NYAP2: variants seen among roughly 807,000 people sequenced by gnomAD.
The protein encoded by NYAP2 is neuronal tyrosine-phosphorylated phosphoinositide-3-kinase adapter 2.
In NYAP2, 23 loss-of-function variants were observed where a neutral mutation model predicts 50.4. That is an observed-to-expected ratio of 0.46 (90% CI 0.33 to 0.65). The LOEUF is 0.65. Among genes scored for constraint, NYAP2 ranks in the 30% least tolerant of loss-of-function variants. NYAP2 has a pLI of 0.02. For missense variants in NYAP2, 885 were observed against 861.0 expected, an observed-to-expected ratio of 1.03 and a Z score of -0.35; for synonymous variants, 394 against 365.2, an observed-to-expected ratio of 1.08 and a Z score of -0.90.
At chr2:225,576,327 G>A (rs1013165926) in intron 4 of NYAP2, among the ~76,000 whole-genome samples, 11 of 152,082 alleles carry the variant, frequency 7.2e-5, no homozygotes, top group Non-Finnish European at 1.3e-4. Context: ...CTTTGAACCC[G>A]ATCCTTTTTG....
chr2:225,658,688 A>G (rs2106276652), downstream of NYAP2, among the ~76,000 whole-genome samples: 1 of 152,310 alleles, frequency 6.6e-6, no homozygotes, highest in East Asian at 1.9e-4. Context: ...TTAGTTCTTT[A>G]TGGCACTCTC....
At chr2:225,664,733 G>A in the NYAP2 span, among the ~76,000 whole-genome samples, 3 of 151,910 alleles carry the variant, frequency 2.0e-5, no homozygotes, top group South Asian at 4.2e-4. Flanking sequence ...AAAATTAGCC[G>A]GGCGTGGTGG....
At chr2:225,670,476 C>T in the NYAP2 span, among the ~76,000 whole-genome samples, 1 of 151,674 alleles carries the variant, frequency 6.6e-6, no homozygotes, top group African/African-American at 2.4e-5. Flanking sequence ...TGTAATTCTG[C>T]AGGAAATTCT....
chr2:225,590,358 T>C (rs796451261), intron 5 of NYAP2, among the ~76,000 whole-genome samples: 11 of 152,354 alleles, frequency 7.2e-5, no homozygotes, highest in African/African-American at 2.4e-4. Flanking sequence ...GTTTCTCGTG[T>C]AGTTCAAAGC....
chr2:225,520,544 G>C (rs538352053), intron 4 of NYAP2, among the ~76,000 whole-genome samples: 1 of 152,114 alleles, frequency 6.6e-6, no homozygotes, highest in Non-Finnish European at 1.5e-5. Flanking sequence ...TTTCCCCATT[G>C]CTTGTTTTTC....
chr2:225,594,712 A>T (rs1692567091), intron 5 of NYAP2, among the ~76,000 whole-genome samples: 2 of 151,938 alleles, frequency 1.3e-5, no homozygotes, highest in South Asian at 2.1e-4. Context: ...TGATAAAATA[A>T]TTTTTTTTGG....
chr2:225,678,633 G>C, the NYAP2 span, among the ~76,000 whole-genome samples: 1 of 152,080 alleles, frequency 6.6e-6, no homozygotes, highest in Non-Finnish European at 1.5e-5. Flanking sequence ...TTATTAAAGA[G>C]AGTAAAAATA....
intron 4 of NYAP2, among the ~76,000 whole-genome samples, chr2:225,528,176 G>A (rs1034355624): frequency 6.6e-6 from 1 of 152,170 alleles, no homozygotes; most frequent in Non-Finnish European, 1.5e-5. Flanking sequence ...GTGATACTAG[G>A]AACAGGCATA....
chr2:225,404,628 T>G (rs1694910342), intron 2 of NYAP2, among the ~76,000 whole-genome samples: 1 of 152,002 alleles, frequency 6.6e-6, no homozygotes, highest in South Asian at 2.1e-4. Context: ...TTTCAAATTT[T>G]GGAAAGTGTC....
chr2:225,448,137 A>C (rs902994425), intron 3 of NYAP2, among the ~76,000 whole-genome samples: 3 of 152,246 alleles, frequency 2.0e-5, no homozygotes, highest in Admixed American at 2.0e-4. Context: ...GCTCTCTGAA[A>C]GCAGAGCAAA....
intron 4 of NYAP2, among the ~76,000 whole-genome samples, chr2:225,573,542 G>A (rs760222918): frequency 6.6e-6 from 1 of 151,908 alleles, no homozygotes; most frequent in African/African-American, 2.4e-5. Context: ...GAGCCACCAC[G>A]CCTGGCCCCA....
intron 4 of NYAP2, among the ~76,000 whole-genome samples, chr2:225,559,390 G>A (rs1009965778): frequency 1.3e-5 from 2 of 151,860 alleles, no homozygotes; most frequent in Admixed American, 6.6e-5. Context: ...ATTAGGAGAA[G>A]CTTCCCATTG....
At chr2:225,637,499 C>G (rs879487698) in intron 6 of NYAP2, among the ~76,000 whole-genome samples, 1 of 152,178 alleles carries the variant, frequency 6.6e-6, no homozygotes, top group Non-Finnish European at 1.5e-5. Context: ...CTTTCCAGTT[C>G]TAATTGGGTG....
rs533757894 is a variant in NYAP2, at chr2:225,611,461, C to T, written c.1619-15456C>T. ...TCCCTTTCTCTCTTCACTCCAGCTGCGCAGATCTTCCCCTCTTCCAACTTG... is the reference window on the plus strand; with the variant it reads ...TCCCTTTCTCTCTTCACTCCAGCTGTGCAGATCTTCCCCTCTTCCAACTTG... On this transcript the variant is annotated intron_variant, in intron 5 of 6. Coordinates refer to ENST00000636099, the Ensembl canonical transcript of NYAP2. 2.2e-4 allele frequency among the ~76,000 whole-genome samples: 33 copies of T among 152,174 alleles called. 1 individual carries two copies. In the South Asian group the frequency reaches 5.4e-3, roughly 25 times the overall value.
intron 3 of NYAP2, among the ~76,000 whole-genome samples, chr2:225,490,317 C>G (rs939226064): frequency 6.6e-6 from 1 of 152,112 alleles, no homozygotes; most frequent in Non-Finnish European, 1.5e-5. Flanking sequence ...TGATTACTTA[C>G]AACATAAAGA....
chr2:225,437,325 G>T (rs115433135), intron 3 of NYAP2, among the ~76,000 whole-genome samples: 1 of 152,116 alleles, frequency 6.6e-6, no homozygotes, highest in African/African-American at 2.4e-5. Flanking sequence ...CTGCTCCTGT[G>T]TTTTAATCAT....
chr2:225,515,420 CAGAT>C (rs1690910337), intron 4 of NYAP2, among the ~76,000 whole-genome samples: 1 of 152,040 alleles, frequency 6.6e-6, no homozygotes, highest in Non-Finnish European at 1.5e-5. Context: ...GATGAATACT[CAGAT>C]TGATTGTTTT....
chr2:225,538,503 A>T (rs1241639846), intron 4 of NYAP2, among the ~76,000 whole-genome samples: 2 of 152,164 alleles, frequency 1.3e-5, no homozygotes, highest in Non-Finnish European at 2.9e-5. Context: ...GCCCTTTTTC[A>T]GCCAGGCTTG....
chr2:225,532,550 CA>C (rs1691275997), intron 4 of NYAP2, among the ~76,000 whole-genome samples: 1 of 152,174 alleles, frequency 6.6e-6, no homozygotes, highest in Non-Finnish European at 1.5e-5. Flanking sequence ...TGCTTTCTGA[CA>C]ACTTTGTCTA....
Sources: gnomAD v4.1 joint callset for allele counts (sites outside exome capture counted in the v4.1 genomes callset) on GRCh38, gnomAD v4.1.1 for gene constraint, MANE v1.5 for transcripts, NCBI Gene and HGNC (gene_info 2026-07-23, HGNC 2026-07-21) for gene names.